DENND1C: variants seen among roughly 807,000 people sequenced by gnomAD.
DENND1C encodes the protein DENN domain-containing protein 1C.
A neutral mutation model predicts 87.9 loss-of-function variants in DENND1C; 64 were observed. That is an observed-to-expected ratio of 0.73 (90% CI 0.60 to 0.90). DENND1C has a LOEUF of 0.90. DENND1C is among the 40% of genes least tolerant of loss of function. The pLI is 0.00. For missense variants in DENND1C, 980 were observed against 1,037.0 expected, an observed-to-expected ratio of 0.95 and a Z score of 0.76; for synonymous variants, 384 against 424.4, an observed-to-expected ratio of 0.90 and a Z score of 1.17.
chr19:6,470,937 C>G (rs1430011224), intron 17 of DENND1C, among the ~76,000 whole-genome samples: 2 of 151,944 alleles, frequency 1.3e-5, no homozygotes, highest in Non-Finnish European at 2.9e-5. Context: ...GGATTACAGG[C>G]ATGAGCCACC....
At position 6,479,471 on chromosome 19, in the gene DENND1C, G is replaced by A. The variant is rs570318093; in HGVS notation, c.176+198C>T. Among the ~76,000 whole-genome samples the A allele has an allele frequency of 2.5e-4, 38 of 151,284 alleles. 1 individual carries two copies. The highest frequency in any genetic ancestry group is 4.1e-4 in the Non-Finnish European group (28 of 67,848). Reference sequence around the variant, plus strand: ...GGGTTCCTGAGTCCCTAGATCTCTGGGTCCCTGAGTGTCTGAGTCCCTGGA... The same window carrying A: ...GGGTTCCTGAGTCCCTAGATCTCTGAGTCCCTGAGTGTCTGAGTCCCTGGA... On this transcript the variant is annotated intron_variant, in intron 4 of 22. Transcript: ENST00000381480.
chr19:6,471,112 AT>A (rs202082317), intron 17 of DENND1C, among the ~76,000 whole-genome samples, 152 bp downstream of exon 17: 6,857 of 146,362 alleles, frequency 0.047, 175 homozygotes, highest in Middle Eastern at 0.082. Flanking sequence ...CACCTAGCGA[AT>A]TTTTTTTTTT....
chr19:6,469,065 C>T (rs117856097), intron 19 of DENND1C, 112 bp from the exon 20 acceptor site: 13,991 of 621,282 alleles, frequency 0.023, 210 homozygotes, highest in Non-Finnish European at 0.027. Context: ...AAGCTTCACT[C>T]ATGTTGCCCA....
chr19:6,477,308 G>A lies in DENND1C; in HGVS notation c.448-25C>T, dbSNP rs552680327. The A allele has an allele frequency of 4.3e-4, 685 of 1,603,634 alleles. 7 individuals are homozygous for A. In the South Asian group the frequency reaches 7.2e-3, roughly 17 times the overall value. ...CCTGGGGAAGAGGCACGACTCTGTGGTCATGATGGCTGGGACGCAGCCTTC... is the reference window on the plus strand; with the variant it reads ...CCTGGGGAAGAGGCACGACTCTGTGATCATGATGGCTGGGACGCAGCCTTC... On this transcript the variant is annotated intron_variant, in intron 7 of 22. Coordinates refer to ENST00000381480, the MANE Select transcript of DENND1C (RefSeq NM_024898.4).
At chr19:6,480,229 T>G in intron 1 of DENND1C, 178 bp from the exon 2 acceptor site, 1 of 1,460,590 alleles carries the variant, frequency 6.8e-7, no homozygotes, top group Non-Finnish European at 9.0e-7. Flanking sequence ...TGCAGCAGTG[T>G]TAATTGAACA....
rs2092820236 is a variant in DENND1C, at chr19:6,470,295, CGAGCGGTACATGTTCTTGACGGCTGG to C, written c.1336_1361del (p.Pro446GlyfsTer15). 6.2e-7 allele frequency: 1 copy of C among 1,607,372 alleles called. No homozygotes were observed. Among genetic ancestry groups the C allele is most frequent in the Non-Finnish European group, 8.5e-7 (1 of 1,177,278 alleles). On this transcript the variant is annotated frameshift_variant and splice_region_variant, in exon 18 of 23. Transcript: ENST00000381480. LOFTEE classifies it high-confidence loss of function. ...AGTGGCCTGTCCAGCTCAGCCTCAC[CGAGCGGTACATGTTCTTGACGGCTGG>C]TTGGGTCTTGGCCTTGACTGAGTGC...
chr19:6,469,170 T>G (rs1568393425), intron 19 of DENND1C, among the ~76,000 whole-genome samples: 1 of 152,168 alleles, frequency 6.6e-6, no homozygotes, highest in Non-Finnish European at 1.5e-5. Flanking sequence ...TAGCTGGGAT[T>G]ACAGGCGTGC....
At chr19:6,469,707 T>A (rs2092817200) in intron 18 of DENND1C, 67 bp from the exon 19 acceptor site, 1 of 1,540,226 alleles carries the variant, frequency 6.5e-7, no homozygotes, top group African/African-American at 1.4e-5. Context: ...AGCTCAGCCT[T>A]CTGTCCCCTA....
At chr19:6,480,750 G>A (rs1291644143) in intron 1 of DENND1C, among the ~76,000 whole-genome samples, 1 of 151,782 alleles carries the variant, frequency 6.6e-6, no homozygotes, top group Non-Finnish European at 1.5e-5. Flanking sequence ...GATTACAGGT[G>A]CCCGCCACCA....
intron 6 of DENND1C, 48 bp downstream of exon 6, chr19:6,478,735 G>T: frequency 6.4e-7 from 1 of 1,570,748 alleles, no homozygotes; most frequent in African/African-American, 1.3e-5. Context: ...AGGTTGAGGG[G>T]GGTGGGGGCT....
At chr19:6,476,770 T>G in intron 10 of DENND1C, 87 bp downstream of exon 10, 1 of 1,354,492 alleles carries the variant, frequency 7.4e-7, no homozygotes, top group Non-Finnish European at 1.0e-6. Flanking sequence ...CGCAGTAGGG[T>G]TAGAGCCAGG....
chr19:6,479,757 G>A (rs1460664715), intron 3 of DENND1C, 39 bp from the exon 4 acceptor site: 3 of 1,613,170 alleles, frequency 1.9e-6, no homozygotes, highest in Non-Finnish European at 2.5e-6. Flanking sequence ...TGGCCACTGA[G>A]GTCGGGCACC....
At position 6,470,369 on chromosome 19, in the gene DENND1C, G is replaced by T. The variant is rs1036171465; in HGVS notation, c.1291-3C>A. On this transcript the variant is annotated splice_polypyrimidine_tract_variant and splice_region_variant and intron_variant, in intron 17 of 22. Coordinates refer to ENST00000381480, the MANE Select transcript of DENND1C (RefSeq NM_024898.4). The stretch of plus-strand genomic sequence containing the variant: ...TGCAGGAGGGCGCCACCACCTTTCT[G>T]CGGGAGAGAAGATACCAAGGGGGAG... 1.2e-6 allele frequency: 2 copies of T among 1,612,202 alleles called. No individual in the cohort carries two copies. The highest frequency in any genetic ancestry group is 8.5e-7 in the Non-Finnish European group (1 of 1,179,220).
chr19:6,474,459 G>A (rs962010615), intron 14 of DENND1C, among the ~76,000 whole-genome samples: 2 of 152,130 alleles, frequency 1.3e-5, no homozygotes, highest in African/African-American at 4.8e-5. Context: ...TCAAGGCCCC[G>A]GCTTCAACAT....
At chr19:6,468,497 G>C in intron 21 of DENND1C, 56 bp from the exon 22 acceptor site, 3 of 1,573,146 alleles carry the variant, frequency 1.9e-6, no homozygotes, top group South Asian at 2.3e-5. Flanking sequence ...CCCTGGTCAG[G>C]CTGCTCTGGA....
At position 6,478,956 on chromosome 19, in the gene DENND1C, T is replaced by C. The variant is rs1348762036; in HGVS notation, c.277A>G (p.Ser93Gly). The part of the protein sequence containing the change: ...GFCRLRAGTQ[S>G]CLCILSHLPW... ...CCGCACCTGAGGATGCAGAGACAGC[T>C]CTGGGTACCCGCCCGCAGGCGGCAG... Residue 93 changes from serine (S) to glycine (G), a missense_variant, in exon 5 of 23, where the codon AGC (serine) becomes GGC (glycine). Physicochemically the swap from Ser to Gly is moderately conservative, Grantham distance 56. Coordinates refer to ENST00000381480, the MANE Select transcript of DENND1C (RefSeq NM_024898.4). 6.2e-7 allele frequency: 1 copy of C among 1,613,518 alleles called. No individual in the cohort carries two copies. Among genetic ancestry groups the C allele is most frequent in the African/African-American group, 1.3e-5 (1 of 74,798 alleles).
rs571498088 is a variant in DENND1C, at chr19:6,477,241, G to T, written c.490C>A (p.Pro164Thr). Residue 164 changes from proline (P) to threonine (T), a missense_variant, in exon 8 of 23, where the codon CCT becomes ACT. By Grantham distance (38) the Pro-to-Thr change is conservative. Coordinates refer to ENST00000381480, the MANE Select transcript of DENND1C (RefSeq NM_024898.4). ...TVSSGQGIPP[P>T]TRGNSKPLSC... The stretch of plus-strand genomic sequence containing the variant: ...ACCGGCTTGCTATTCCCCCGGGTAG[G>T]GGGGGGGATACCCTGCCCGCTGGAG... 41 of 1,585,134 alleles carry T rather than the reference G, an allele frequency of 2.6e-5. No homozygotes were observed. The highest frequency in any genetic ancestry group is 2.4e-4 in the South Asian group (21 of 88,052).
At position 6,471,483 on chromosome 19, in the gene DENND1C, C is replaced by A. The variant is rs368722845; in HGVS notation, c.1172G>T (p.Arg391Leu). 1.9e-6 allele frequency: 3 copies of A among 1,565,388 alleles called. No homozygotes were observed. The highest frequency in any genetic ancestry group is 1.7e-6 in the Non-Finnish European group (2 of 1,154,718). Residue 391 changes from arginine to leucine, a missense_variant, in exon 16 of 23, where the codon CGG becomes CTG. Coordinates refer to ENST00000381480, the MANE Select transcript of DENND1C (RefSeq NM_024898.4). The part of the protein sequence containing the change: ...LQLFKQFIEA[R>L]LEKLNKGEGF... The stretch of plus-strand genomic sequence containing the variant: ...CTCCCCCTTGTTGAGCTTCTCCAGC[C>A]GGGCTTCGATGAACTGGGGTGGGGG...
Position 6,479,688 on chromosome 19 carries a change from A to G in DENND1C, c.157T>C (p.Phe53Leu). The stretch of plus-strand genomic sequence containing the variant: ...CCGTACCTTTCCACATCAAAAGGGA[A>G]GCAGAATTTAGGCACCATCTGCATA... ...EAMQMVPKFC[F>L]PFDVEREPPS... is the part of the protein sequence containing the mutation. Residue 53 changes from phenylalanine to leucine, a missense_variant, in exon 4 of 23, where the codon TTC (phenylalanine) becomes CTC (leucine). Phe to Leu is a conservative substitution (Grantham distance 22). Transcript: ENST00000381480. The G allele has an allele frequency of 1.2e-6, 2 of 1,613,898 alleles. No homozygotes were observed. The highest frequency in any genetic ancestry group is 1.7e-6 in the Non-Finnish European group (2 of 1,179,850).
Sources: gnomAD v4.1 joint callset for allele counts (sites outside exome capture counted in the v4.1 genomes callset) on GRCh38, gnomAD v4.1.1 for gene constraint, MANE v1.5 for transcripts, NCBI Gene and HGNC (gene_info 2026-07-23, HGNC 2026-07-21) for gene names.